RFTN1: variants seen among roughly 807,000 people sequenced by gnomAD.
RFTN1 encodes raftlin.
A neutral mutation model predicts 46.5 loss-of-function variants in RFTN1; 26 were observed. That is an observed-to-expected ratio of 0.56 (90% CI 0.41 to 0.78). The LOEUF is 0.78. Ranked by LOEUF, RFTN1 falls within the 30% of genes least tolerant of loss-of-function variation. RFTN1 has a pLI of 0.00. For missense variants in RFTN1, 693 were observed against 718.7 expected (o/e 0.96, Z 0.41); for synonymous variants, 261 against 284.2 (o/e 0.92, Z 0.82).
intron 7 of RFTN1, among the ~76,000 whole-genome samples, chr3:16,330,657 T>C (rs975766273): frequency 1.2e-4 from 18 of 152,240 alleles, no homozygotes; most frequent in African/African-American, 4.3e-4. Flanking sequence ...AAATGGAGCA[T>C]GTCCTGTGGT....
chr3:16,453,533 A>G (rs962376579), intron 2 of RFTN1, among the ~76,000 whole-genome samples: 1 of 152,240 alleles, frequency 6.6e-6, no homozygotes, highest in African/African-American at 2.4e-5. Flanking sequence ...AGTTCCATCA[A>G]TAGTCAGCTT....
In RFTN1 at chr3:16,489,904, T is replaced by C. The variant is rs921109414; in HGVS notation, c.145+3821A>G. ...GCCTAGGTGACAGAGCGAGACTCCA[T>C]GTCAAAAAAAAACAAAATAAAGAAA... On this transcript the variant is annotated intron_variant, in intron 2 of 9. Coordinates refer to ENST00000334133, the MANE Select transcript of RFTN1 (RefSeq NM_015150.2). The surrounding 1 kb of genome is among the most constrained non-coding windows in gnomAD (Gnocchi z 4.0). Among the ~76,000 whole-genome samples, 7 of 151,748 alleles carry C rather than the reference T, an allele frequency of 4.6e-5. No homozygotes were observed. The highest frequency in any genetic ancestry group is 1.3e-4 in the Admixed American group (2 of 15,238).
rs1302020243 is a variant in RFTN1, at chr3:16,385,422, C to A, written c.442-7320G>T. Among the ~76,000 whole-genome samples, 1 of 152,148 alleles carries A rather than the reference C, an allele frequency of 6.6e-6. No individual in the cohort carries two copies. The highest frequency in any genetic ancestry group is 2.4e-5 in the African/African-American group (1 of 41,420). Reference sequence around the variant, plus strand: ...AAGGAAAGATCATGTAAACTTTCTGCTGTTGTGGTTTTCTCATTTAGCGAC... The same window carrying A: ...AAGGAAAGATCATGTAAACTTTCTGATGTTGTGGTTTTCTCATTTAGCGAC... On this transcript the variant is annotated intron_variant, in intron 4 of 9. Coordinates refer to ENST00000334133, the MANE Select transcript of RFTN1 (RefSeq NM_015150.2). The surrounding 1 kb of genome is among the most constrained non-coding windows in gnomAD (Gnocchi z 5.0).
chr3:16,402,010 A>C lies in RFTN1; in HGVS notation c.441+7365T>G, dbSNP rs888667369. Among the ~76,000 whole-genome samples the C allele has an allele frequency of 4.6e-5, 7 of 152,116 alleles. No homozygotes were observed. Among genetic ancestry groups the C allele is most frequent in the Admixed American group, 3.9e-4 (6 of 15,266 alleles). ...ACATCTCTGTTCCTGGCTTTCTTGCAAGTCCCAGCCCAACAACCACAGCTG... is the reference window on the plus strand; with the variant it reads ...ACATCTCTGTTCCTGGCTTTCTTGCCAGTCCCAGCCCAACAACCACAGCTG... On this transcript the variant is annotated intron_variant, in intron 4 of 9. Coordinates refer to ENST00000334133, the MANE Select transcript of RFTN1 (RefSeq NM_015150.2). This position sits in a 1 kb window ranked among gnomAD's most constrained non-coding sequence, Gnocchi z 4.5.
intron 4 of RFTN1, among the ~76,000 whole-genome samples, chr3:16,404,557 G>A (rs995699297): frequency 5.4e-5 from 8 of 149,454 alleles, no homozygotes; most frequent in Non-Finnish European, 5.9e-5. Context: ...ATAATCAAAG[G>A]AAGCCCACCC....
rs1010293205 is a variant in RFTN1, at chr3:16,426,869, A to G, written c.332+6982T>C. ...TGGTTTTATCCCACTCAATTCATGCAAAATCTATTGAGCAATATCTATTCA... is the reference window on the plus strand; with the variant it reads ...TGGTTTTATCCCACTCAATTCATGCGAAATCTATTGAGCAATATCTATTCA... On this transcript the variant is annotated intron_variant, in intron 3 of 9. Transcript: ENST00000334133. This position sits in a 1 kb window ranked among gnomAD's most constrained non-coding sequence, Gnocchi z 5.9. Among the ~76,000 whole-genome samples the G allele has an allele frequency of 2.0e-5, 3 of 152,224 alleles. No homozygotes were observed. Among genetic ancestry groups the G allele is most frequent in the Non-Finnish European group, 2.9e-5 (2 of 68,030 alleles).
rs1305045402 is a variant in RFTN1 at position 16,337,979 on chromosome 3, A to C, written c.1147-11103T>G. Among the ~76,000 whole-genome samples the C allele has an allele frequency of 6.6e-6, 1 of 152,120 alleles. No homozygotes were observed. The highest frequency in any genetic ancestry group is 1.9e-4 in the East Asian group (1 of 5,192). ...GTGCCACCAGCTTGCCCTGGAAGAGAGAGATAAAAACCCACACTGGGTAGA... is the reference window on the plus strand; with the variant it reads ...GTGCCACCAGCTTGCCCTGGAAGAGCGAGATAAAAACCCACACTGGGTAGA... On this transcript the variant is annotated intron_variant, in intron 7 of 9. Transcript: ENST00000334133. The surrounding 1 kb of genome is among the most constrained non-coding windows in gnomAD (Gnocchi z 5.0).
chr3:16,409,919 T>C (rs1559332556), intron 3 of RFTN1, among the ~76,000 whole-genome samples: 3 of 151,924 alleles, frequency 2.0e-5, no homozygotes, highest in African/African-American at 7.3e-5. Flanking sequence ...ACTCCTGATC[T>C]CAGGTGATCC....
chr3:16,503,635 A>G (rs547605737), intron 1 of RFTN1, among the ~76,000 whole-genome samples: 30 of 152,212 alleles, frequency 2.0e-4, no homozygotes, highest in African/African-American at 7.2e-4. Flanking sequence ...CACCTCCAGG[A>G]CTGAGAACCA....
chr3:16,420,610 G>A (rs778333279), intron 3 of RFTN1, among the ~76,000 whole-genome samples: 2 of 152,144 alleles, frequency 1.3e-5, no homozygotes, highest in Non-Finnish European at 2.9e-5. Context: ...CCCACTAACT[G>A]AGTTAGGTGA....
At position 16,509,077 on chromosome 3, in the gene RFTN1, T is replaced by C. The variant is rs923187390; in HGVS notation, c.-9+4365A>G. On this transcript the variant is annotated intron_variant, in intron 1 of 9. Coordinates refer to ENST00000334133, the MANE Select transcript of RFTN1 (RefSeq NM_015150.2). The surrounding 1 kb of genome is among the most constrained non-coding windows in gnomAD (Gnocchi z 4.9). Reference sequence around the variant, plus strand: ...TGAACAGTTCAGCTGGCAACGTCTTTCTGTTCCTTCAATAAAATTGTAATC... The same window carrying C: ...TGAACAGTTCAGCTGGCAACGTCTTCCTGTTCCTTCAATAAAATTGTAATC... Among the ~76,000 whole-genome samples the C allele has an allele frequency of 1.3e-5, 2 of 152,248 alleles. No individual in the cohort carries two copies. Among genetic ancestry groups the C allele is most frequent in the African/African-American group, 4.8e-5 (2 of 41,468 alleles).
rs1159001015 is a variant in RFTN1 at position 16,457,552 on chromosome 3, G to C, written c.146-23515C>G. Among the ~76,000 whole-genome samples, 1 of 152,114 alleles carries C rather than the reference G, an allele frequency of 6.6e-6. No individual in the cohort carries two copies. The highest frequency in any genetic ancestry group is 2.4e-5 in the African/African-American group (1 of 41,404). On this transcript the variant is annotated intron_variant, in intron 2 of 9. Coordinates refer to ENST00000334133, the MANE Select transcript of RFTN1 (RefSeq NM_015150.2). The surrounding 1 kb of genome is among the most constrained non-coding windows in gnomAD (Gnocchi z 4.2). ...TTATGCTGAAATTTCAGAAATATAAGCATTACAAACTTACCTCAAATACCA... is the reference window on the plus strand; with the variant it reads ...TTATGCTGAAATTTCAGAAATATAACCATTACAAACTTACCTCAAATACCA...
chr3:16,451,545 C>T lies in RFTN1; in HGVS notation c.146-17508G>A, dbSNP rs1474195608. ...ACAAACTAAAATAGAGTGGTCCCCTCTTCTCCACAGGGGATATGCCTGAAA... is the reference window on the plus strand; with the variant it reads ...ACAAACTAAAATAGAGTGGTCCCCTTTTCTCCACAGGGGATATGCCTGAAA... On this transcript the variant is annotated intron_variant, in intron 2 of 9. Coordinates refer to ENST00000334133, the MANE Select transcript of RFTN1 (RefSeq NM_015150.2). The surrounding 1 kb of genome is among the most constrained non-coding windows in gnomAD (Gnocchi z 4.2). 1.3e-5 allele frequency among the ~76,000 whole-genome samples: 2 copies of T among 152,206 alleles called. No homozygotes were observed. The highest frequency in any genetic ancestry group is 1.3e-4 in the Admixed American group (2 of 15,280).
intron 2 of RFTN1, among the ~76,000 whole-genome samples, chr3:16,467,802 T>C (rs1330784305): frequency 6.6e-6 from 1 of 152,046 alleles, no homozygotes; most frequent in African/African-American, 2.4e-5. Context: ...CAGAAATGGG[T>C]GAAAGCCTTT....
chr3:16,484,979 T>TA lies in RFTN1; in HGVS notation c.145+8745dup, dbSNP rs2076424531. The TA allele has an allele frequency of 6.6e-6, 1 of 152,216 alleles. No individual in the cohort carries two copies. Among genetic ancestry groups the TA allele is most frequent in the Admixed American group, 6.5e-5 (1 of 15,288 alleles). The allele number at this position is 152,216 out of a possible 1,614,324, so 9.4% of individuals were successfully genotyped here. On this transcript the variant is annotated intron_variant, in intron 2 of 9. Transcript: ENST00000334133. This position sits in a 1 kb window ranked among gnomAD's most constrained non-coding sequence, Gnocchi z 4.6. ...AAAAAGTAACTCTGATTATTACCTA[T>TA]AAAAAATGAAGCTCTCTACTCTCAT... is the stretch of plus-strand genomic sequence containing the variant.
Position 16,481,562 on chromosome 3 carries a change from G to A in RFTN1, c.145+12163C>T, listed in dbSNP as rs942249800. ...AACCGGAAACAAAAATGAAACACAA[G>A]TAGGAAGTTAAATAACTTCACTGCA... On this transcript the variant is annotated intron_variant, in intron 2 of 9. Coordinates refer to ENST00000334133, the MANE Select transcript of RFTN1 (RefSeq NM_015150.2). The surrounding 1 kb of genome is among the most constrained non-coding windows in gnomAD (Gnocchi z 5.1). Among the ~76,000 whole-genome samples the A allele has an allele frequency of 6.6e-6, 1 of 152,098 alleles. No homozygotes were observed. The highest frequency in any genetic ancestry group is 1.5e-5 in the Non-Finnish European group (1 of 68,022).
rs1054586313 is a variant in RFTN1 at position 16,440,878 on chromosome 3, G to C, written c.146-6841C>G. Among the ~76,000 whole-genome samples, 2 of 152,078 alleles carry C rather than the reference G, an allele frequency of 1.3e-5. No individual in the cohort carries two copies. On this transcript the variant is annotated intron_variant, in intron 2 of 9. Coordinates refer to ENST00000334133, the MANE Select transcript of RFTN1 (RefSeq NM_015150.2). The surrounding 1 kb of genome is among the most constrained non-coding windows in gnomAD (Gnocchi z 4.6). ...GATAAAGTTGGGGGATGGATGCCCC[G>C]CACTTCTTCCTATTTCTGATCCTGC...
intron 2 of RFTN1, among the ~76,000 whole-genome samples, chr3:16,487,976 G>A (rs1230398593): frequency 1.3e-5 from 2 of 152,180 alleles, no homozygotes; most frequent in Non-Finnish European, 2.9e-5. Flanking sequence ...GTGCTTCACT[G>A]TAAGATTCCT....
rs1336012169 is a variant in RFTN1 at position 16,459,798 on chromosome 3, ATTG to A, written c.146-25764_146-25762del. Among the ~76,000 whole-genome samples, 5 of 152,102 alleles carry A rather than the reference ATTG, an allele frequency of 3.3e-5. No homozygotes were observed. Among genetic ancestry groups the A allele is most frequent in the African/African-American group, 4.8e-5 (2 of 41,420 alleles). ...GGAACATATTATAGAATTATTGGCC[ATTG>A]TTGTTTATTTAAATGCTAGAAAAAA... is the stretch of plus-strand genomic sequence containing the variant. On this transcript the variant is annotated intron_variant, in intron 2 of 9. Coordinates refer to ENST00000334133, the MANE Select transcript of RFTN1 (RefSeq NM_015150.2). This position sits in a 1 kb window ranked among gnomAD's most constrained non-coding sequence, Gnocchi z 4.2.
Sources: gnomAD v4.1 joint callset for allele counts (sites outside exome capture counted in the v4.1 genomes callset) on GRCh38, gnomAD v4.1.1 for gene constraint, Gnocchi (gnomAD v3.1) non-coding constraint, MANE v1.5 for transcripts, NCBI Gene and HGNC (gene_info 2026-07-23, HGNC 2026-07-21) for gene names.